The following USH1C variants were observed in gnomAD, a reference collection of about 807,000 sequenced individuals.
USH1C encodes the protein USH1 protein network component harmonin.
A neutral mutation model predicts 119.3 loss-of-function variants in USH1C; 90 were observed. The ratio of observed to expected loss-of-function variants is 0.75; its 90% CI spans 0.64 to 0.90. The LOEUF is 0.90. Ranked by LOEUF, USH1C falls within the 40% of genes least tolerant of loss-of-function variation. The probability of loss-of-function intolerance (pLI) is 0.00; values close to 1 mark genes in which losing one functional copy is unlikely to be tolerated. For missense variants in USH1C, 1,165 were observed against 1,167.7 expected (o/e 1.00, Z 0.03); for synonymous variants, 465 against 443.3 (o/e 1.05, Z -0.62).
At chr11:17,539,788 GTCTCTC>G (rs959293304) in intron 1 of USH1C, among the ~76,000 whole-genome samples, 16 of 149,228 alleles carry the variant, frequency 1.1e-4, no homozygotes, top group African/African-American at 3.7e-4. Flanking sequence ...CTCTGTCTCT[GTCTCTC>G]TCTCTTTCTT....
intron 1 of USH1C, among the ~76,000 whole-genome samples, chr11:17,543,313 G>C (rs1851550205): frequency 6.6e-6 from 1 of 152,164 alleles, no homozygotes; most frequent in Admixed American, 6.5e-5. Context: ...CACTGCCCCT[G>C]GGGTCTTTGG....
chr11:17,513,451 T>C (rs1479700635), intron 15 of USH1C, among the ~76,000 whole-genome samples: 1 of 152,102 alleles, frequency 6.6e-6, no homozygotes, highest in South Asian at 2.1e-4. Context: ...ACAACATTCA[T>C]CCACAGCTGG....
In USH1C at chr11:17,498,142, G is replaced by C. The variant is rs1221301863; in HGVS notation, c.2490+20C>G. 2 of 1,607,682 alleles carry C rather than the reference G, an allele frequency of 1.2e-6. No individual in the cohort carries two copies. The highest frequency in any genetic ancestry group is 4.5e-5 in the East Asian group (2 of 44,848). ...GGCAGGCAGGTGAGGGAGGAAAGGAGGGAGGGGCCTTATTCTTACCCCGCC... is the reference window on the plus strand; with the variant it reads ...GGCAGGCAGGTGAGGGAGGAAAGGACGGAGGGGCCTTATTCTTACCCCGCC... On this transcript the variant is annotated intron_variant, in intron 24 of 26. Coordinates refer to ENST00000005226, the MANE Select transcript of USH1C (RefSeq NM_153676.4).
intron 7 of USH1C, 33 bp from the exon 8 acceptor site, chr11:17,526,474 G>A: frequency 6.3e-7 from 1 of 1,583,990 alleles, no homozygotes; most frequent in East Asian, 2.2e-5. Flanking sequence ...ATCACGGAGT[G>A]TCCACATGCG....
intron 25 of USH1C, among the ~76,000 whole-genome samples, chr11:17,496,060 G>T (rs1167878664): frequency 7.2e-5 from 11 of 152,188 alleles, no homozygotes; most frequent in African/African-American, 2.4e-4. Flanking sequence ...GAGGAACAGG[G>T]ACTCAGAGAC....
rs142801489 is a variant in USH1C, at chr11:17,498,165, G to A, written c.2487C>T (p.Gly829=). The change falls in exon 24 of 27, where the codon GGC becomes GGT. Residue 829 remains glycine, a synonymous_variant. Transcript: ENST00000005226. The part of the protein sequence containing the change: ...EAALQKAWNQ[G]GDWIDLVVAV... ...GAGGGAGGGGCCTTATTCTTACCCC[G>A]CCCTGATTCCAGGCCTTCTGCAGGG... 1.3e-4 allele frequency: 210 copies of A among 1,613,768 alleles called. No individual in the cohort carries two copies. In the East Asian group the frequency reaches 2.6e-3, roughly 20 times the overall value.
chr11:17,506,210 C>A (rs1265634327), intron 18 of USH1C, among the ~76,000 whole-genome samples: 2 of 152,168 alleles, frequency 1.3e-5, no homozygotes, highest in African/African-American at 4.8e-5. Flanking sequence ...CTTGGGGGTG[C>A]CAGCAGCCAG....
At chr11:17,508,042 C>T (rs1297689391) in intron 18 of USH1C, among the ~76,000 whole-genome samples, 6 of 152,116 alleles carry the variant, frequency 3.9e-5, no homozygotes, top group Non-Finnish European at 5.9e-5. Flanking sequence ...CTGCTCCCCT[C>T]TCCCCTTCAC....
At chr11:17,512,110 C>T in intron 15 of USH1C, 56 bp from the exon 16 acceptor site, 2 of 1,590,006 alleles carry the variant, frequency 1.3e-6, no homozygotes, top group Non-Finnish European at 1.7e-6. Context: ...GTCGACAGCA[C>T]AGCACACGGG....
In USH1C at chr11:17,517,396, C is replaced by T. The variant is rs201661386; in HGVS notation, c.1211-1106G>A. The stretch of plus-strand genomic sequence containing the variant: ...CAGGCCAGGGAGCAAAGCGGGGACG[C>T]GAACCTGCTCTCCCTGCTCCTCCGT... On this transcript the variant is annotated intron_variant, in intron 14 of 26. Transcript: ENST00000005226. 1.3e-5 allele frequency: 20 copies of T among 1,576,556 alleles called. No individual in the cohort carries two copies. The highest frequency in any genetic ancestry group is 2.7e-5 in the African/African-American group (2 of 74,226).
intron 23 of USH1C, among the ~76,000 whole-genome samples, 176 bp downstream of exon 23, chr11:17,500,875 G>A (rs899934646): frequency 2.6e-5 from 4 of 152,186 alleles, no homozygotes; most frequent in East Asian, 1.9e-4. Flanking sequence ...CACAGGTCCC[G>A]GCGCCATCCC....
intron 15 of USH1C, among the ~76,000 whole-genome samples, chr11:17,515,797 C>T (rs1334120614): frequency 6.6e-6 from 1 of 152,212 alleles, no homozygotes; most frequent in Non-Finnish European, 1.5e-5. Flanking sequence ...TCTGTCCCAA[C>T]CTGAGGCAGC....
At chr11:17,539,211 A>G (rs1426201913) in intron 1 of USH1C, among the ~76,000 whole-genome samples, 3 of 152,084 alleles carry the variant, frequency 2.0e-5, no homozygotes, top group African/African-American at 7.2e-5. Flanking sequence ...CTCTGTGCAC[A>G]CAACAGCACT....
intron 1 of USH1C, among the ~76,000 whole-genome samples, chr11:17,541,467 C>A (rs1216844746): frequency 6.6e-6 from 1 of 152,200 alleles, no homozygotes; most frequent in African/African-American, 2.4e-5. Flanking sequence ...TTGTCAGATG[C>A]CTGGCCTCAG....
At chr11:17,527,410 C>T (rs576103739) in intron 4 of USH1C, 79 bp from the exon 5 acceptor site, 16 of 1,143,032 alleles carry the variant, frequency 1.4e-5, no homozygotes, top group African/African-American at 6.0e-5. Context: ...CAGATGCTCC[C>T]GGACTGCTCT....
At chr11:17,507,549 T>C (rs1849699043) in intron 18 of USH1C, among the ~76,000 whole-genome samples, 1 of 152,252 alleles carries the variant, frequency 6.6e-6, no homozygotes, top group Admixed American at 6.5e-5. Flanking sequence ...CCATAGTTAA[T>C]GTCTACTGAA....
At chr11:17,494,519 G>C in intron 26 of USH1C, 143 bp from the exon 27 acceptor site, 1 of 875,486 alleles carries the variant, frequency 1.1e-6, no homozygotes, top group Non-Finnish European at 1.9e-6. Flanking sequence ...TCTGGGTGCA[G>C]GCCCCAAGTG....
rs1565035154 is a variant in USH1C, at chr11:17,510,522, C to G, written c.1414-1G>C. The G allele has an allele frequency of 6.2e-7, 1 of 1,612,900 alleles. No homozygotes were observed. The highest frequency in any genetic ancestry group is 2.2e-5 in the East Asian group (1 of 44,870). On this transcript the variant is annotated splice_acceptor_variant, in intron 16 of 26. Coordinates refer to ENST00000005226, the MANE Select transcript of USH1C (RefSeq NM_153676.4). LOFTEE classifies it high-confidence loss of function. ...GGTCTTCCCGCTCTGTCTCAGACAC[C>G]TGGGACCCAGGATCGGCGCAGAAAG...
rs776853133 is a variant in USH1C, at chr11:17,509,704, G to A, written c.1665C>T (p.Pro555=). 1 of 1,600,126 alleles carries A rather than the reference G, an allele frequency of 6.2e-7. No homozygotes were observed. The change falls in exon 18 of 27, where the codon CCC becomes CCT. Residue 555 remains proline (P), a synonymous_variant. Coordinates refer to ENST00000005226, the MANE Select transcript of USH1C (RefSeq NM_153676.4). ...DIPLDMFYYP[P]KTPSALPVMP... ...TCACAGGCAAGGCAGAGGGAGTCTT[G>A]GGGGGATAGTAGAACATGTCCAAAG...
Sources: allele counts gnomAD v4.1 joint callset (sites outside exome capture counted in the v4.1 genomes callset), GRCh38; gene constraint gnomAD v4.1.1; transcripts MANE v1.5; gene names NCBI Gene and HGNC (gene_info 2026-07-23, HGNC 2026-07-21).